LATS1: variants seen among roughly 807,000 people sequenced by gnomAD.
The protein encoded by LATS1 is large tumor suppressor kinase 1.
A neutral mutation model predicts 106.6 loss-of-function variants in LATS1; 25 were observed. The ratio of observed to expected loss-of-function variants is 0.23; its 90% CI spans 0.17 to 0.33. LATS1 has a LOEUF of 0.33. Ranked by LOEUF, LATS1 falls within the 10% of genes least tolerant of loss-of-function variation. LATS1 has a pLI of 1.00. For synonymous variants in LATS1, 465 were observed against 455.6 expected (o/e 1.02, Z -0.26); for missense variants, 1,040 against 1,382.6 (o/e 0.75, Z 3.93).
At chr6:149,698,356 C>A (rs1380895515) in intron 2 of LATS1, among the ~76,000 whole-genome samples, 1 of 151,560 alleles carries the variant, frequency 6.6e-6, no homozygotes, top group Non-Finnish European at 1.5e-5. Context: ...GATCCTCCCA[C>A]CTCACCCTCC....
At chr6:149,664,434 T>C (rs567364365) in intron 7 of LATS1, among the ~76,000 whole-genome samples, 54 of 152,054 alleles carry the variant, frequency 3.6e-4, no homozygotes, top group Non-Finnish European at 6.9e-4. Context: ...ACTGAGTGAA[T>C]CTCAACCAAG....
rs956266740 is a variant in LATS1, at chr6:149,660,563, G to A, written c.*1166C>T. Reference sequence around the variant, plus strand: ...CCTTTTTCCCCTTCCTAAAAGATAAGCTACATGTATTTTGGTATGAAACCT... The same window carrying A: ...CCTTTTTCCCCTTCCTAAAAGATAAACTACATGTATTTTGGTATGAAACCT... On this transcript the variant is annotated 3_prime_UTR_variant, in exon 8 of 8. Transcript: ENST00000543571. 1 of 232,734 alleles carries A rather than the reference G, an allele frequency of 4.3e-6. No individual in the cohort carries two copies. Among genetic ancestry groups the A allele is most frequent in the Non-Finnish European group, 8.5e-6 (1 of 117,824 alleles). The allele number at this position is 232,734 out of a possible 1,614,324, so 14.4% of individuals were successfully genotyped here.
At chr6:149,688,907 C>A (rs949246109) in intron 3 of LATS1, among the ~76,000 whole-genome samples, 1 of 152,100 alleles carries the variant, frequency 6.6e-6, no homozygotes, top group African/African-American at 2.4e-5. Flanking sequence ...GTGGCTCAAG[C>A]CTGTAATCCT....
chr6:149,670,934 A>AT (rs1219187951), intron 7 of LATS1, among the ~76,000 whole-genome samples: 8 of 150,610 alleles, frequency 5.3e-5, no homozygotes, highest in Admixed American at 1.3e-4. Flanking sequence ...GTTTTGATGA[A>AT]TTTTTTTTTC....
chr6:149,668,460 GAGAC>G (rs1781277823), intron 7 of LATS1, among the ~76,000 whole-genome samples: 1 of 143,632 alleles, frequency 7.0e-6, no homozygotes, highest in African/African-American at 2.6e-5. Flanking sequence ...TTTTTTTTAA[GAGAC>G]AGGGTCTCAT....
At chr6:149,711,958 GAC>G (rs2115018769) in intron 1 of LATS1, among the ~76,000 whole-genome samples, 1 of 152,244 alleles carries the variant, frequency 6.6e-6, no homozygotes, top group East Asian at 1.9e-4. Context: ...ATAGAGAGGA[GAC>G]ACAGTGAGTG....
chr6:149,667,354 A>C (rs780322506), intron 7 of LATS1, among the ~76,000 whole-genome samples: 31 of 144,712 alleles, frequency 2.1e-4, no homozygotes, highest in Non-Finnish European at 3.7e-4. Context: ...GGATCACTTG[A>C]ACCAGGAGCT....
At chr6:149,697,305 A>G (rs1015693984) in intron 2 of LATS1, 7 of 481,460 alleles carry the variant, frequency 1.5e-5, no homozygotes, top group Non-Finnish European at 2.6e-5. Context: ...TTTTGTTGGA[A>G]GCAGCAAGGG....
At chr6:149,686,012 T>C (rs1051572943) in intron 3 of LATS1, among the ~76,000 whole-genome samples, 1 of 152,160 alleles carries the variant, frequency 6.6e-6, no homozygotes, top group Non-Finnish European at 1.5e-5. Context: ...CTCTTGCGAA[T>C]GTCTTCCCAG....
chr6:149,679,121 G>GATT (rs1230394926), intron 5 of LATS1, among the ~76,000 whole-genome samples: 2 of 152,034 alleles, frequency 1.3e-5, no homozygotes, highest in Non-Finnish European at 2.9e-5. Flanking sequence ...GTAAAGAACC[G>GATT]ATTATAAAGT....
chr6:149,665,234 A>G (rs1781080196), intron 7 of LATS1, among the ~76,000 whole-genome samples: 1 of 152,000 alleles, frequency 6.6e-6, no homozygotes, highest in African/African-American at 2.4e-5. Flanking sequence ...GGTGGTGCAT[A>G]CCTGTAATCC....
intron 1 of LATS1, among the ~76,000 whole-genome samples, chr6:149,702,631 TTTC>T (rs1434650697): frequency 6.6e-6 from 1 of 152,146 alleles, no homozygotes; most frequent in African/African-American, 2.4e-5. Context: ...GACTTCAAGA[TTTC>T]TTTAGAAGGG....
Position 149,680,149 on chromosome 6 carries a change from T to C in LATS1, c.2319A>G (p.Gln773=). 6.2e-7 allele frequency: 1 copy of C among 1,614,054 alleles called. No individual in the cohort carries two copies. The highest frequency in any genetic ancestry group is 8.5e-7 in the Non-Finnish European group (1 of 1,179,938). ...EWVVRLYYSF[Q]DKDNLYFVMD... The stretch of plus-strand genomic sequence containing the variant: ...TTACAAAGTATAAATTGTCCTTATC[T>C]TGGAATGAATAATATAGACGAACTA... The change falls in exon 5 of 8, where the codon CAA becomes CAG. Residue 773 remains glutamine, a synonymous_variant. Transcript: ENST00000543571.
intron 1 of LATS1, among the ~76,000 whole-genome samples, chr6:149,706,777 C>G (rs1449315511): frequency 6.6e-6 from 1 of 152,112 alleles, no homozygotes; most frequent in East Asian, 1.9e-4. Flanking sequence ...TGGCAAGGGA[C>G]AGCTTCTCTC....
intron 1 of LATS1, among the ~76,000 whole-genome samples, chr6:149,717,436 AG>A (rs1320486223): frequency 6.6e-6 from 1 of 152,238 alleles, no homozygotes; most frequent in Admixed American, 6.5e-5. Context: ...AGGTATACCC[AG>A]GATCAAGGCC....
chr6:149,701,559 C>T (rs1340824758), intron 2 of LATS1, among the ~76,000 whole-genome samples: 1 of 151,996 alleles, frequency 6.6e-6, no homozygotes, highest in Non-Finnish European at 1.5e-5. Context: ...CCAGAAACTC[C>T]AGAATTTAGT....
chr6:149,715,288 C>T lies in LATS1; in HGVS notation c.-141+2561G>A, dbSNP rs200459650. Among the ~76,000 whole-genome samples the T allele has an allele frequency of 3.1e-4, 47 of 152,202 alleles. 1 individual carries two copies. The East Asian group carries it at 7.7e-3, about 25-fold the overall frequency. ...TTCACCATGTTGGCCAGGCTGGTCTCGAACTCCAGACCTCAGGTAATCCGC... is the reference window on the plus strand; with the variant it reads ...TTCACCATGTTGGCCAGGCTGGTCTTGAACTCCAGACCTCAGGTAATCCGC... On this transcript the variant is annotated intron_variant, in intron 1 of 7. Transcript: ENST00000543571.
intron 3 of LATS1, among the ~76,000 whole-genome samples, chr6:149,688,627 G>A (rs1019603500): frequency 2.6e-5 from 4 of 151,952 alleles, no homozygotes; most frequent in African/African-American, 9.7e-5. Context: ...AATATTTATT[G>A]TGCATCAACT....
In LATS1 at chr6:149,680,389, G is replaced by T; in HGVS notation, c.2079C>A (p.Ile693=). The T allele has an allele frequency of 6.2e-7, 1 of 1,613,712 alleles. No individual in the cohort carries two copies. The highest frequency in any genetic ancestry group is 1.1e-5 in the South Asian group (1 of 90,998). The stretch of plus-strand genomic sequence containing the variant: ...TGTCCATTTTAGCCCTTTTAAGACG[G>T]ATGTAATTAGATTCTTTTTGGCAAA... ...KMLCQKESNY[I]RLKRAKMDKS... is the part of the protein sequence containing the mutation. Residue 693 remains isoleucine, a synonymous_variant, in exon 5 of 8, where the codon ATC becomes ATA. Coordinates refer to ENST00000543571, the MANE Select transcript of LATS1 (RefSeq NM_004690.4).
Sources: allele counts gnomAD v4.1 joint callset (sites outside exome capture counted in the v4.1 genomes callset), GRCh38; gene constraint gnomAD v4.1.1; transcripts MANE v1.5; gene names NCBI Gene and HGNC (gene_info 2026-07-23, HGNC 2026-07-21).